The following MYO3B variants were observed in gnomAD, a reference collection of about 807,000 sequenced individuals.
The protein encoded by MYO3B is myosin-IIIb.
MYO3B carries 156 observed loss-of-function variants against 174.6 expected under a neutral mutation model. The observed-to-expected ratio is 0.89, with a 90% confidence interval of 0.78 to 1.02. The LOEUF is 1.02. Among genes scored for constraint, MYO3B ranks in the 50% least tolerant of loss-of-function variants. The pLI, the probability that MYO3B is intolerant of heterozygous loss-of-function variation, is 0.00. For synonymous variants in MYO3B, 563 were observed against 569.1 expected (o/e 0.99, Z 0.15); for missense variants, 1,632 against 1,639.4 (o/e 1.00, Z 0.08).
chr2:170,627,297 C>T (rs1385975259), intron 32 of MYO3B, among the ~76,000 whole-genome samples: 8 of 152,100 alleles, frequency 5.3e-5, no homozygotes, highest in African/African-American at 1.9e-4. Flanking sequence ...TCATTTCATT[C>T]ATTTGATCTT....
chr2:170,239,739 G>A (rs2093110009), intron 7 of MYO3B, among the ~76,000 whole-genome samples: 1 of 152,112 alleles, frequency 6.6e-6, no homozygotes, highest in Non-Finnish European at 1.5e-5. Context: ...TTTGCATTTC[G>A]GCTTGTTTCC....
chr2:170,290,881 A>G (rs902412961), intron 7 of MYO3B, among the ~76,000 whole-genome samples: 2 of 152,168 alleles, frequency 1.3e-5, no homozygotes, highest in African/African-American at 4.8e-5. Flanking sequence ...ACAAAAAAAA[A>G]AAAGAACTTG....
chr2:170,224,542 A>G (rs1404271223), intron 6 of MYO3B, among the ~76,000 whole-genome samples: 1 of 152,164 alleles, frequency 6.6e-6, no homozygotes, highest in Non-Finnish European at 1.5e-5. Flanking sequence ...AGTGTGAGAC[A>G]TCATTTTAAA....
intron 3 of MYO3B, among the ~76,000 whole-genome samples, chr2:170,208,187 C>G (rs2092734105): frequency 6.6e-6 from 1 of 152,198 alleles, no homozygotes; most frequent in African/African-American, 2.4e-5. Context: ...AGTTTTCTTT[C>G]CTAGGGCTTT....
At chr2:170,540,240 C>T (rs1689996140) in intron 30 of MYO3B, among the ~76,000 whole-genome samples, 1 of 151,976 alleles carries the variant, frequency 6.6e-6, no homozygotes, top group Non-Finnish European at 1.5e-5. Flanking sequence ...GGGAGGATCA[C>T]TTGAGCCCAG....
At chr2:170,472,051 G>T (rs899225459) in intron 25 of MYO3B, among the ~76,000 whole-genome samples, 42 of 150,840 alleles carry the variant, frequency 2.8e-4, no homozygotes, top group African/African-American at 1.0e-3. Context: ...TTTATTTCTG[G>T]ACTCTCTTCT....
In MYO3B at chr2:170,391,574, A is replaced by G; in HGVS notation, c.1632A>G (p.Gln544=). Residue 544 remains glutamine (Q), a synonymous_variant, in exon 15 of 35, where the codon CAA becomes CAG. Transcript: ENST00000408978. ...FYYIYAGLHH[Q]KKLSDFRLPE... ...ATATTTATGCTGGTCTTCATCACCA[A>G]AAGAAGCTTTCTGATTTCAGACTTC... 1.9e-6 allele frequency: 3 copies of G among 1,586,634 alleles called. No individual in the cohort carries two copies. The highest frequency in any genetic ancestry group is 2.6e-6 in the Non-Finnish European group (3 of 1,170,382).
intron 7 of MYO3B, among the ~76,000 whole-genome samples, chr2:170,276,591 C>T (rs945012241): frequency 6.6e-6 from 1 of 152,094 alleles, no homozygotes; most frequent in Non-Finnish European, 1.5e-5. Context: ...TTATTAGAAA[C>T]ACAAAAATAA....
chr2:170,399,986 C>T (rs570807491), intron 16 of MYO3B, among the ~76,000 whole-genome samples: 3 of 152,224 alleles, frequency 2.0e-5, no homozygotes, highest in South Asian at 2.1e-4. Flanking sequence ...AAGTGACCCA[C>T]GTCATTCTGC....
intron 32 of MYO3B, among the ~76,000 whole-genome samples, chr2:170,589,165 C>T (rs1396504259): frequency 3.9e-5 from 6 of 152,254 alleles, no homozygotes; most frequent in Middle Eastern, 3.4e-3. Flanking sequence ...AGAAGTTTTG[C>T]AGACCTCAAG....
chr2:170,550,558 C>T (rs986925905), intron 32 of MYO3B, among the ~76,000 whole-genome samples: 2 of 152,206 alleles, frequency 1.3e-5, no homozygotes, highest in Non-Finnish European at 2.9e-5. Flanking sequence ...AGAAAGTGGG[C>T]TTTATATATG....
In MYO3B at chr2:170,221,757, G is replaced by A. The variant is rs546865825; in HGVS notation, c.603+4362G>A. 1.6e-3 allele frequency among the ~76,000 whole-genome samples: 247 copies of A among 151,858 alleles called. 1 individual carries two copies. The highest frequency in any genetic ancestry group is 5.6e-3 in the African/African-American group (231 of 41,208). On this transcript the variant is annotated intron_variant, in intron 6 of 34. Transcript: ENST00000408978. ...CAGTAGAATTTTTTTTTAAAAGATG[G>A]GGTCTTACCATGTTGCCCAGGCTGG...
intron 32 of MYO3B, among the ~76,000 whole-genome samples, chr2:170,595,342 G>T (rs1694077294): frequency 6.6e-6 from 1 of 152,168 alleles, no homozygotes; most frequent in African/African-American, 2.4e-5. Context: ...AGATGAGGAA[G>T]ACTGAATTAC....
At chr2:170,631,062 C>T (rs4028266) in intron 32 of MYO3B, among the ~76,000 whole-genome samples, 62,211 of 152,048 alleles carry the variant, frequency 0.41, 13,389 homozygotes, top group Non-Finnish European at 0.48. Context: ...ATGACTTTGA[C>T]GAGTTGAGAG....
intron 7 of MYO3B, among the ~76,000 whole-genome samples, chr2:170,280,218 G>A (rs926997485): frequency 2.6e-5 from 4 of 152,128 alleles, no homozygotes; most frequent in Non-Finnish European, 4.4e-5. Context: ...GATCAGTGAT[G>A]TTGAGCTTTT....
chr2:170,445,962 G>C (rs1017742468), intron 23 of MYO3B, among the ~76,000 whole-genome samples: 9 of 149,890 alleles, frequency 6.0e-5, no homozygotes, highest in Non-Finnish European at 1.0e-4. Context: ...GTCGGGGGCA[G>C]CATTTTAAAC....
rs545957609 is a variant in MYO3B, at chr2:170,208,735, T to TA, written c.322-5635dup. On this transcript the variant is annotated intron_variant, in intron 3 of 34. Coordinates refer to ENST00000408978, the MANE Select transcript of MYO3B (RefSeq NM_138995.5). The stretch of plus-strand genomic sequence containing the variant: ...TATCTCCAGTCCCTCATTTTTTTGT[T>TA]AAAAAAAAATCAGGACTGAGTTGCT... Among the ~76,000 whole-genome samples, 69 of 151,618 alleles carry TA rather than the reference T, an allele frequency of 4.6e-4. 1 individual carries two copies. Among genetic ancestry groups the TA allele is most frequent in the Non-Finnish European group, 7.4e-4 (50 of 67,890 alleles).
chr2:170,581,704 T>G (rs574923844), intron 32 of MYO3B, among the ~76,000 whole-genome samples: 1 of 152,308 alleles, frequency 6.6e-6, no homozygotes, highest in South Asian at 2.1e-4. Flanking sequence ...ATTTATTGAA[T>G]AGTGCATCCT....
In MYO3B at chr2:170,555,398, A is replaced by T. The variant is rs542878717; in HGVS notation, c.3733+11410A>T. Among the ~76,000 whole-genome samples the T allele has an allele frequency of 1.1e-3, 161 of 152,226 alleles. 1 individual carries two copies. Among genetic ancestry groups the T allele is most frequent in the African/African-American group, 3.6e-3 (150 of 41,524 alleles). ...ACAGAATAATTTCACTGACCTAAAA[A>T]TCCCATCTCTACCTCCTTATTCCTC... On this transcript the variant is annotated intron_variant, in intron 32 of 34. Transcript: ENST00000408978.
Sources: gnomAD v4.1 joint callset for allele counts (sites outside exome capture counted in the v4.1 genomes callset) on GRCh38, gnomAD v4.1.1 for gene constraint, MANE v1.5 for transcripts, NCBI Gene and HGNC (gene_info 2026-07-23, HGNC 2026-07-21) for gene names.